Variants in CBFA2T3 observed in about 807,000 individuals in gnomAD.
CBFA2T3 encodes transcriptional corepressor CBFA2T3.
In CBFA2T3, 31 loss-of-function variants were observed where a neutral mutation model predicts 58.6. The ratio of observed to expected loss-of-function variants is 0.53; its 90% CI spans 0.40 to 0.71. The LOEUF (loss-of-function observed/expected upper bound fraction) is 0.71, where lower values mean the gene tolerates loss of function less well. Among genes scored for constraint, CBFA2T3 ranks in the 30% least tolerant of loss-of-function variants. CBFA2T3 has a pLI of 0.00. For missense variants in CBFA2T3, 1,076 were observed against 963.1 expected, an observed-to-expected ratio of 1.12 and a Z score of -1.55; for synonymous variants, 531 against 421.9, an observed-to-expected ratio of 1.26 and a Z score of -3.17.
In CBFA2T3 at chr16:88,973,885, G is replaced by A. The variant is rs560828582; in HGVS notation, c.151+2772C>T. Among the ~76,000 whole-genome samples the A allele has an allele frequency of 4.7e-5, 7 of 147,648 alleles. No homozygotes were observed. In the East Asian group the frequency reaches 8.1e-4, roughly 17 times the overall value. On this transcript the variant is annotated intron_variant, in intron 1 of 11. Coordinates refer to ENST00000268679, the MANE Select transcript of CBFA2T3 (RefSeq NM_005187.6). ...TGCCCAGTCCCCATAACATCTGCCC[G>A]CCTTGCCCGGTCCCCATAACATCTC... is the stretch of plus-strand genomic sequence containing the variant.
chr16:88,878,375 GCA>G (rs1968921432), intron 11 of CBFA2T3, among the ~76,000 whole-genome samples: 1 of 152,220 alleles, frequency 6.6e-6, no homozygotes, highest in Admixed American at 6.5e-5. Flanking sequence ...GCTGGCCCAG[GCA>G]CAGATGCACA....
chr16:88,892,159 A>G (rs951950194), intron 4 of CBFA2T3, 85 bp downstream of exon 4: 144 of 1,507,914 alleles, frequency 9.5e-5, no homozygotes, highest in Non-Finnish European at 1.3e-4. Context: ...CGTGGAGCCC[A>G]TGTAAGGAGT....
chr16:88,895,241 G>A (rs1034898195), intron 3 of CBFA2T3, among the ~76,000 whole-genome samples: 5 of 152,204 alleles, frequency 3.3e-5, no homozygotes, highest in African/African-American at 1.2e-4. Flanking sequence ...CTTCTGAGGG[G>A]TCAGGCCCTC....
rs558142231 is a variant in CBFA2T3, at chr16:88,875,119, A to G, written c.*1857T>C. On this transcript the variant is annotated 3_prime_UTR_variant, in exon 12 of 12. Coordinates refer to ENST00000268679, the MANE Select transcript of CBFA2T3 (RefSeq NM_005187.6). ...TGCCAGGCCACGGGCCACGCCACAC[A>G]CACAGATGCCAGGCCACGGGCCACG... 320 of 228,430 alleles carry G rather than the reference A, an allele frequency of 1.4e-3. No homozygotes were observed. The highest frequency in any genetic ancestry group is 2.8e-3 in the African/African-American group (120 of 42,930). The allele number at this position is 228,430 out of a possible 1,614,324, so 14.2% of individuals were successfully genotyped here. A position where few individuals can be genotyped will look rare whatever the true frequency, so the allele number is the denominator to read the frequency against.
chr16:88,889,131 G>C (rs1213229005), intron 5 of CBFA2T3, among the ~76,000 whole-genome samples: 2 of 151,760 alleles, frequency 1.3e-5, no homozygotes, highest in African/African-American at 2.4e-5. Flanking sequence ...GGGAGGGGTG[G>C]AGTCCGCAGC....
rs138853740 is a variant in CBFA2T3, at chr16:88,906,345, C to T, written c.152-4689G>A. The stretch of plus-strand genomic sequence containing the variant: ...GACCCACTTCGAGGCTCGGAGGCCC[C>T]GTGGGCTACCAGCCCACGGCTGCGA... On this transcript the variant is annotated intron_variant, in intron 1 of 11. Coordinates refer to ENST00000268679, the MANE Select transcript of CBFA2T3 (RefSeq NM_005187.6). Among the ~76,000 whole-genome samples, 1,429 of 152,298 alleles carry T rather than the reference C, an allele frequency of 9.4e-3. 22 individuals are homozygous for T. The highest frequency in any genetic ancestry group is 0.033 in the African/African-American group (1,362 of 41,546).
At chr16:88,957,294 C>T (rs1972242618) in intron 1 of CBFA2T3, among the ~76,000 whole-genome samples, 1 of 152,254 alleles carries the variant, frequency 6.6e-6, no homozygotes, top group African/African-American at 2.4e-5. Flanking sequence ...GAAGTGCTGC[C>T]TTTCCCTGCC....
chr16:88,880,345 T>C (rs1257238804), intron 10 of CBFA2T3, among the ~76,000 whole-genome samples: 1 of 152,152 alleles, frequency 6.6e-6, no homozygotes, highest in Non-Finnish European at 1.5e-5. Flanking sequence ...CCCACAGCCT[T>C]GCCCAGCGCT....
rs995322511 is a variant in CBFA2T3 at position 88,923,561 on chromosome 16, A to C, written c.152-21905T>G. ...TTCCTGCTGTGTGAGCTGGGGAGCA[A>C]CTGAGCCGTGAGGGGGCAGCTGGGG... On this transcript the variant is annotated intron_variant, in intron 1 of 11. Coordinates refer to ENST00000268679, the MANE Select transcript of CBFA2T3 (RefSeq NM_005187.6). 5.8e-4 allele frequency among the ~76,000 whole-genome samples: 89 copies of C among 152,234 alleles called. 1 individual carries two copies. The highest frequency in any genetic ancestry group is 1.5e-4 in the Non-Finnish European group (10 of 67,976).
intron 5 of CBFA2T3, among the ~76,000 whole-genome samples, chr16:88,890,211 G>A (rs1332124234): frequency 6.6e-6 from 1 of 152,192 alleles, no homozygotes; most frequent in Non-Finnish European, 1.5e-5. Flanking sequence ...CCGGGAGTGA[G>A]GCCCCGTTCT....
rs891290864 is a variant in CBFA2T3, at chr16:88,922,846, C to T, written c.152-21190G>A. Among the ~76,000 whole-genome samples the T allele has an allele frequency of 5.3e-5, 8 of 152,342 alleles. No individual in the cohort carries two copies. In the South Asian group the frequency reaches 6.2e-4, roughly 12 times the overall value. On this transcript the variant is annotated intron_variant, in intron 1 of 11. Transcript: ENST00000268679. The stretch of plus-strand genomic sequence containing the variant: ...AACAAAATACTAACTCATTTAACCT[C>T]GGCAGCACCCCCACCCAGGAGGCTG...
At chr16:88,959,101 G>C (rs1597791207) in intron 1 of CBFA2T3, among the ~76,000 whole-genome samples, 1 of 152,348 alleles carries the variant, frequency 6.6e-6, no homozygotes, top group East Asian at 1.9e-4. Flanking sequence ...GGTCCCAGCA[G>C]CTGGAGGGGC....
chr16:88,914,420 A>G (rs1970625335), intron 1 of CBFA2T3, among the ~76,000 whole-genome samples: 2 of 152,262 alleles, frequency 1.3e-5, no homozygotes, highest in South Asian at 2.1e-4. Context: ...AAATGATGTC[A>G]CGGGACGCTC....
intron 3 of CBFA2T3, among the ~76,000 whole-genome samples, chr16:88,894,555 T>C (rs1969803199): frequency 7.2e-6 from 1 of 138,038 alleles, no homozygotes; most frequent in Non-Finnish European, 1.5e-5. Context: ...TGTACACACA[T>C]GCACACACAC....
chr16:88,881,623 G>A (rs1567574504), intron 8 of CBFA2T3, 134 bp from the exon 9 acceptor site: 2 of 866,448 alleles, frequency 2.3e-6, no homozygotes, highest in Non-Finnish European at 3.5e-6. Context: ...GTAAGGGGGT[G>A]AGGGAGGGCC....
chr16:88,900,858 C>CCA (rs1192681067), intron 2 of CBFA2T3, among the ~76,000 whole-genome samples: 1 of 152,282 alleles, frequency 6.6e-6, no homozygotes, highest in Non-Finnish European at 1.5e-5. Context: ...CCACCATCGG[C>CCA]GGCTCTGTGC....
chr16:88,880,583 C>CA, intron 10 of CBFA2T3, 137 bp downstream of exon 10: 1 of 719,328 alleles, frequency 1.4e-6, no homozygotes, highest in Non-Finnish European at 2.3e-6. Flanking sequence ...GTGAGCCACA[C>CA]AGCGGAATGC....
At chr16:88,964,910 AT>A (rs1342885693) in intron 1 of CBFA2T3, among the ~76,000 whole-genome samples, 5 of 2,992 alleles carry the variant, frequency 1.7e-3, no homozygotes, top group Non-Finnish European at 2.2e-3. Context: ...CTATCCACTT[AT>A]CCATCCATCC....
intron 1 of CBFA2T3, 104 bp downstream of exon 1, chr16:88,976,553 T>G (rs1972866250): frequency 2.3e-6 from 2 of 852,190 alleles, no homozygotes; most frequent in Non-Finnish European, 3.6e-6. Context: ...GCCGGCACTG[T>G]CAACTAAGCT....
Sources: gnomAD v4.1 joint callset for allele counts (sites outside exome capture counted in the v4.1 genomes callset) on GRCh38, gnomAD v4.1.1 for gene constraint, MANE v1.5 for transcripts, NCBI Gene and HGNC (gene_info 2026-07-23, HGNC 2026-07-21) for gene names.